Variants in FARP1 observed in about 807,000 individuals in gnomAD.
The protein encoded by FARP1 is FERM, ARHGEF and pleckstrin domain-containing protein 1.
A neutral mutation model predicts 128.8 loss-of-function variants in FARP1; 52 were observed. The observed-to-expected ratio is 0.40, with a 90% CI of 0.32 to 0.51. FARP1 has a LOEUF of 0.51. FARP1 is among the 20% of genes least tolerant of loss of function. The pLI is 0.45. For missense variants in FARP1, 1,333 were observed against 1,367.9 expected, an observed-to-expected ratio of 0.97 and a Z score of 0.40; for synonymous variants, 580 against 551.8, an observed-to-expected ratio of 1.05 and a Z score of -0.72.
chr13:98,258,036 C>T (rs1329779986), intron 2 of FARP1, among the ~76,000 whole-genome samples: 2 of 152,040 alleles, frequency 1.3e-5, no homozygotes, highest in Admixed American at 6.5e-5. Context: ...TGCAGTGGCA[C>T]GATCTTGGCT....
intron 2 of FARP1, among the ~76,000 whole-genome samples, chr13:98,298,903 A>G (rs1347076891): frequency 6.6e-6 from 1 of 152,212 alleles, no homozygotes; most frequent in Non-Finnish European, 1.5e-5. Flanking sequence ...GTCATTTACT[A>G]ACATTGTATA....
At chr13:98,391,127 G>A (rs1356640845) in intron 11 of FARP1, among the ~76,000 whole-genome samples, 2 of 152,166 alleles carry the variant, frequency 1.3e-5, no homozygotes, top group Non-Finnish European at 2.9e-5. Context: ...AGGACATACT[G>A]GGGAAGGAGA....
intron 1 of FARP1, among the ~76,000 whole-genome samples, chr13:98,181,440 A>G (rs1294029247): frequency 6.6e-6 from 1 of 152,060 alleles, no homozygotes; most frequent in Admixed American, 6.5e-5. Context: ...AAAACCAATA[A>G]AGTCAGTTTC....
At chr13:98,363,120 G>A (rs1449418056) in intron 3 of FARP1, among the ~76,000 whole-genome samples, 1 of 152,174 alleles carries the variant, frequency 6.6e-6, no homozygotes, top group Non-Finnish European at 1.5e-5. Context: ...TCCCCATGGG[G>A]TAGTTCCTTC....
chr13:98,147,019 C>T lies in FARP1; in HGVS notation c.-24+3527C>T, dbSNP rs188392415. Among the ~76,000 whole-genome samples, 3 of 152,336 alleles carry T rather than the reference C, an allele frequency of 2.0e-5. No homozygotes were observed. The East Asian group carries it at 5.8e-4, about 29-fold the overall frequency. Reference sequence around the variant, plus strand: ...AGGAAGATCAGAGCCAAACGGTTTTCATTCAAATTACTTGAAATACTGATT... The same window carrying T: ...AGGAAGATCAGAGCCAAACGGTTTTTATTCAAATTACTTGAAATACTGATT... On this transcript the variant is annotated intron_variant, in intron 1 of 26. Coordinates refer to ENST00000319562, the MANE Select transcript of FARP1 (RefSeq NM_005766.4).
Position 98,452,140 on chromosome 13 carries a change from T to G in FARP1, c.*3823T>G, listed in dbSNP as rs1893226284. ...GTGCCCTGTCCTCTGAAGAGTCACATTTCAAGGAGTATGCAAAATAAGCGT... is the reference window on the plus strand; with the variant it reads ...GTGCCCTGTCCTCTGAAGAGTCACAGTTCAAGGAGTATGCAAAATAAGCGT... On this transcript the variant is annotated 3_prime_UTR_variant, in exon 27 of 27. Transcript: ENST00000319562. 6.6e-6 allele frequency: 1 copy of G among 152,154 alleles called. No homozygotes were observed. The highest frequency in any genetic ancestry group is 1.5e-5 in the Non-Finnish European group (1 of 68,028). The allele number at this position is 152,154 out of a possible 1,614,324, so 9.4% of individuals were successfully genotyped here.
chr13:98,303,423 A>G (rs934118122), intron 2 of FARP1, among the ~76,000 whole-genome samples: 3 of 152,210 alleles, frequency 2.0e-5, no homozygotes, highest in African/African-American at 4.8e-5. Flanking sequence ...TTAACATTTT[A>G]TTTAAACTGG....
chr13:98,359,095 G>A (rs904715620), intron 3 of FARP1, among the ~76,000 whole-genome samples: 2 of 152,168 alleles, frequency 1.3e-5, no homozygotes, highest in African/African-American at 4.8e-5. Context: ...GTTAAGAAGA[G>A]AACTGAACTT....
chr13:98,147,247 C>T (rs1875639482), intron 1 of FARP1, among the ~76,000 whole-genome samples: 2 of 152,314 alleles, frequency 1.3e-5, no homozygotes, highest in Admixed American at 1.3e-4. Context: ...GCTTTTGATA[C>T]TAATCCGGCG....
rs185193375 is a variant in FARP1 at position 98,205,553 on chromosome 13, C to T, written c.-23-7667C>T. Among the ~76,000 whole-genome samples the T allele has an allele frequency of 2.5e-4, 38 of 152,122 alleles. 1 individual carries two copies. The highest frequency in any genetic ancestry group is 3.9e-4 in the East Asian group (2 of 5,170). On this transcript the variant is annotated intron_variant, in intron 1 of 26. Coordinates refer to ENST00000319562, the MANE Select transcript of FARP1 (RefSeq NM_005766.4). ...GACTTCAGGTGCCCACCACCATGCC[C>T]GGCTAATTTTTTTGTATTTTTAGTA...
At chr13:98,255,411 G>A (rs1883536263) in intron 2 of FARP1, among the ~76,000 whole-genome samples, 1 of 152,136 alleles carries the variant, frequency 6.6e-6, no homozygotes, top group Non-Finnish European at 1.5e-5. Context: ...TGAGGCAGGA[G>A]AATGGCGTGA....
At chr13:98,324,162 C>T (rs1887128236) in intron 2 of FARP1, among the ~76,000 whole-genome samples, 2 of 152,142 alleles carry the variant, frequency 1.3e-5, no homozygotes, top group African/African-American at 4.8e-5. Flanking sequence ...GAAATGTTTT[C>T]TAAATTTCAG....
intron 2 of FARP1, among the ~76,000 whole-genome samples, chr13:98,277,247 G>T (rs571858403): frequency 6.6e-6 from 1 of 151,886 alleles, no homozygotes; most frequent in Non-Finnish European, 1.5e-5. Flanking sequence ...TGAACTCCTG[G>T]GCTCAAGTGG....
Position 98,454,111 on chromosome 13 carries a change from A to G in FARP1, c.*5794A>G, listed in dbSNP as rs966623766. ...ACTTCTGTATCCTAAATTAAGTACT[A>G]TAGAAATTCTAAAAAATCTTCTTTG... On this transcript the variant is annotated 3_prime_UTR_variant, in exon 27 of 27. Transcript: ENST00000319562. The G allele has an allele frequency of 6.6e-6, 1 of 152,244 alleles. No homozygotes were observed. Among genetic ancestry groups the G allele is most frequent in the African/African-American group, 2.4e-5 (1 of 41,458 alleles). 9.4% of individuals were successfully genotyped at this position (152,244 alleles called of 1,614,324 possible). A position where few individuals can be genotyped will look rare whatever the true frequency, so the allele number is the denominator to read the frequency against.
At chr13:98,427,431 C>G (rs1441963931) in intron 17 of FARP1, among the ~76,000 whole-genome samples, 1 of 152,234 alleles carries the variant, frequency 6.6e-6, no homozygotes, top group African/African-American at 2.4e-5. Flanking sequence ...GCTTTTCTCC[C>G]TGTGTTCTTC....
rs750174816 is a variant in FARP1 at position 98,343,813 on chromosome 13, C to T, written c.223C>T (p.Leu75Phe). 1 of 1,614,112 alleles carries T rather than the reference C, an allele frequency of 6.2e-7. No homozygotes were observed. The highest frequency in any genetic ancestry group is 1.1e-5 in the South Asian group (1 of 91,078). ...LLDAVCNHLNLVEGDYFGLEF... is the reference protein window; with the variant it reads ...LLDAVCNHLNFVEGDYFGLEF... ...GGATGCAGTTTGCAACCACCTCAAC[C>T]TCGTGGAAGGTGACTATTTTGGCCT... The change falls in exon 3 of 27, where the codon CTC (leucine) becomes TTC (phenylalanine). Residue 75 changes from leucine (L) to phenylalanine (F), a missense_variant. Around this residue, in one of 2 missense-constraint regions of FARP1, gnomAD observed 324 missense variants for 398.1 expected, o/e 0.81. Coordinates refer to ENST00000319562, the MANE Select transcript of FARP1 (RefSeq NM_005766.4).
At chr13:98,345,582 A>C (rs1279738750) in intron 3 of FARP1, 1 of 152,212 alleles carries the variant, frequency 6.6e-6, no homozygotes, top group East Asian at 1.9e-4. Context: ...ATTCAACTGC[A>C]AAATAAAACC....
At chr13:98,169,565 T>C (rs1189993483) in intron 1 of FARP1, among the ~76,000 whole-genome samples, 1 of 152,142 alleles carries the variant, frequency 6.6e-6, no homozygotes, top group Non-Finnish European at 1.5e-5. Context: ...TCTCGTCTCT[T>C]GAAAGAACAA....
chr13:98,232,144 G>GTTTTTTTTTTTTTTTTTT lies in FARP1; in HGVS notation c.171+18731_171+18732insTTTTTTTTTTTTTTTTTT, dbSNP rs1555329634. ...CGTGCCCGGCTTTTTTTGTTTGGTT[G>GTTTTTTTTTTTTTTTTTT]GTTTTTTTTTTTTTTTTTTTTTGCT... On this transcript the variant is annotated intron_variant, in intron 2 of 26. Transcript: ENST00000319562. Among the ~76,000 whole-genome samples the GTTTTTTTTTTTTTTTTTT allele has an allele frequency of 3.0e-4, 33 of 111,676 alleles. 1 individual carries two copies. Among genetic ancestry groups the GTTTTTTTTTTTTTTTTTT allele is most frequent in the African/African-American group, 3.4e-4 (8 of 23,634 alleles). The allele number at this position is 111,676 out of a possible 152,430, so 73.3% of individuals were successfully genotyped here.
Sources: gnomAD v4.1 joint callset for allele counts (sites outside exome capture counted in the v4.1 genomes callset) on GRCh38, gnomAD v4.1.1 for gene constraint, gnomAD v4.1.1 regional missense constraint, MANE v1.5 for transcripts, NCBI Gene and HGNC (gene_info 2026-07-23, HGNC 2026-07-21) for gene names.